The following TCF12 variants were observed in gnomAD, a reference collection of about 807,000 sequenced individuals.
TCF12 encodes DNA-binding protein HTF4.
In TCF12, 45 loss-of-function variants were observed where a neutral mutation model predicts 86.0. That is an observed-to-expected ratio of 0.52 (90% CI 0.41 to 0.67). The LOEUF is 0.67. Ranked by LOEUF, TCF12 falls within the 30% of genes least tolerant of loss-of-function variation. TCF12 has a pLI of 0.00. For synonymous variants in TCF12, 330 were observed against 299.6 expected (o/e 1.10, Z -1.05); for missense variants, 881 against 859.9 (o/e 1.02, Z -0.31).
Position 57,015,266 on chromosome 15 carries a change from C to T in TCF12, c.149-48484C>T, listed in dbSNP as rs143752548. On this transcript the variant is annotated intron_variant, in intron 3 of 20. Coordinates refer to ENST00000333725, the MANE Select transcript of TCF12 (RefSeq NM_207037.2). ...TTGTGCCACTGCACTCCAGCCTGGG[C>T]GATAGAGCCAGACCTTGTCTTAAGT... Among the ~76,000 whole-genome samples, 388 of 152,224 alleles carry T rather than the reference C, an allele frequency of 2.5e-3. 11 individuals carry two copies. Among genetic ancestry groups the T allele is most frequent in the Admixed American group, 0.023 (357 of 15,298 alleles).
intron 3 of TCF12, among the ~76,000 whole-genome samples, chr15:56,943,879 G>C (rs970640090): frequency 1.2e-4 from 18 of 152,014 alleles, no homozygotes; most frequent in Admixed American, 2.0e-4. Flanking sequence ...ATTATTCCTG[G>C]ATCCCCAACC....
intron 13 of TCF12, among the ~76,000 whole-genome samples, chr15:57,248,701 G>C (rs2059973423): frequency 6.6e-6 from 1 of 152,210 alleles, no homozygotes; most frequent in South Asian, 2.1e-4. Flanking sequence ...CGTTACACTG[G>C]AACGGGCCAG....
chr15:57,074,682 G>A (rs1488733147), intron 4 of TCF12, among the ~76,000 whole-genome samples: 1 of 152,150 alleles, frequency 6.6e-6, no homozygotes, highest in Non-Finnish European at 1.5e-5. Context: ...CTTTTGGAAA[G>A]TTCACTGTAT....
intron 19 of TCF12, chr15:57,278,536 T>TA (rs34981887): frequency 2.5e-5 from 4 of 157,286 alleles, no homozygotes; most frequent in East Asian, 1.8e-4. Context: ...GCAATCACTG[T>TA]AAAAAAAAAA....
intron 3 of TCF12, among the ~76,000 whole-genome samples, chr15:57,059,463 C>T (rs1327391291): frequency 2.0e-5 from 3 of 152,168 alleles, no homozygotes; most frequent in Non-Finnish European, 4.4e-5. Context: ...ATCAGACTCA[C>T]CACTACTAAC....
At chr15:57,226,242 G>C (rs1319103640) in intron 8 of TCF12, among the ~76,000 whole-genome samples, 50 of 148,082 alleles carry the variant, frequency 3.4e-4, no homozygotes, top group Non-Finnish European at 5.5e-4. Flanking sequence ...TAGGTACTTA[G>C]CTAGATCTTG....
chr15:57,017,702 A>T (rs950014022), intron 3 of TCF12, among the ~76,000 whole-genome samples: 6 of 148,968 alleles, frequency 4.0e-5, no homozygotes, highest in Admixed American at 3.4e-4. Flanking sequence ...ACCTCAGGAG[A>T]TGTGAGAAGG....
At chr15:57,283,045 C>CT (rs1408828312) in intron 20 of TCF12, among the ~76,000 whole-genome samples, 2 of 152,206 alleles carry the variant, frequency 1.3e-5, no homozygotes, top group Non-Finnish European at 2.9e-5. Flanking sequence ...AAAGTTATCA[C>CT]TTGTATTTGG....
chr15:57,105,180 G>A (rs1229682976), intron 5 of TCF12, among the ~76,000 whole-genome samples: 1 of 151,458 alleles, frequency 6.6e-6, no homozygotes, highest in Non-Finnish European at 1.5e-5. Flanking sequence ...GACCAATCTT[G>A]CTGGTCTTTA....
At chr15:57,234,263 C>T (rs1471763515) in intron 12 of TCF12, among the ~76,000 whole-genome samples, 156 bp downstream of exon 12, 1 of 151,982 alleles carries the variant, frequency 6.6e-6, no homozygotes, top group Non-Finnish European at 1.5e-5. Context: ...TGATATATGC[C>T]CTTAAATGCT....
chr15:56,963,954 G>A (rs1250648390), intron 3 of TCF12, among the ~76,000 whole-genome samples: 6 of 152,180 alleles, frequency 3.9e-5, no homozygotes, highest in African/African-American at 1.2e-4. Context: ...CTTTTGAAGT[G>A]CTGGGTGTGT....
intron 19 of TCF12, 57 bp from the exon 20 acceptor site, chr15:57,282,388 G>C (rs1394888346): frequency 6.2e-7 from 1 of 1,602,760 alleles, no homozygotes; most frequent in Non-Finnish European, 8.5e-7. Context: ...TGTTCAGCTT[G>C]AGACCTAATT....
rs2733319 is a variant in TCF12 at position 57,234,181 on chromosome 15, A to T, written c.1035+74A>T. The T allele has an allele frequency of 2.8e-3, 3,278 of 1,150,574 alleles. 70 individuals carry two copies. The African/African-American group carries it at 0.044, about 15-fold the overall frequency. The allele number at this position is 1,150,574 out of a possible 1,614,324, so 71.3% of individuals were successfully genotyped here. A position where few individuals can be genotyped will look rare whatever the true frequency, so the allele number is the denominator to read the frequency against. On this transcript the variant is annotated intron_variant, in intron 12 of 20. Coordinates refer to ENST00000333725, the MANE Select transcript of TCF12 (RefSeq NM_207037.2). The stretch of plus-strand genomic sequence containing the variant: ...ATACAGTGATTAGATTTTGTAGGTG[A>T]TAAGTATCTAAAGAGTATAGATGTA...
chr15:57,239,835 G>A (rs952813250), intron 12 of TCF12, among the ~76,000 whole-genome samples: 4 of 152,070 alleles, frequency 2.6e-5, no homozygotes, highest in Non-Finnish European at 4.4e-5. Context: ...GCTTGGGGTG[G>A]TGATAAAAAA....
At chr15:57,047,581 T>C (rs767085827) in intron 3 of TCF12, among the ~76,000 whole-genome samples, 7 of 152,230 alleles carry the variant, frequency 4.6e-5, no homozygotes, top group Non-Finnish European at 1.0e-4. Context: ...TCTTGCAATA[T>C]TACAAAAATG....
At chr15:57,090,462 G>A (rs778249788) in intron 4 of TCF12, among the ~76,000 whole-genome samples, 3 of 152,138 alleles carry the variant, frequency 2.0e-5, no homozygotes, top group Non-Finnish European at 4.4e-5. Flanking sequence ...GATTTATTTG[G>A]GAGTTAGCAC....
chr15:57,223,643 GTTTTTTTTTTTTTTT>G (rs550493641), intron 8 of TCF12, among the ~76,000 whole-genome samples: 4 of 69,666 alleles, frequency 5.7e-5, no homozygotes, highest in African/African-American at 9.8e-5. Flanking sequence ...TACCAATGAG[GTTTTTTTTTTTTTTT>G]TTTTTTTTTT....
At chr15:57,235,244 C>T (rs949074204) in intron 12 of TCF12, among the ~76,000 whole-genome samples, 3 of 152,118 alleles carry the variant, frequency 2.0e-5, no homozygotes, top group Admixed American at 6.5e-5. Flanking sequence ...AATTTGAATG[C>T]GCACCTATAC....
At chr15:57,221,486 A>G (rs900388432) in intron 8 of TCF12, among the ~76,000 whole-genome samples, 1 of 149,476 alleles carries the variant, frequency 6.7e-6, no homozygotes, top group Admixed American at 6.7e-5. Context: ...TTTAGATTTT[A>G]TTCTTTGGAA....
Sources: gnomAD v4.1 joint callset for allele counts (sites outside exome capture counted in the v4.1 genomes callset) on GRCh38, gnomAD v4.1.1 for gene constraint, MANE v1.5 for transcripts, NCBI Gene and HGNC (gene_info 2026-07-23, HGNC 2026-07-21) for gene names.